The following CXCL16 variants were observed in gnomAD, a reference collection of about 807,000 sequenced individuals.
CXCL16 encodes the protein C-X-C motif chemokine 16.
Under a neutral mutation model 23.8 loss-of-function variants are expected in CXCL16, and 18 were observed. The observed-to-expected ratio is 0.76, with a 90% CI of 0.52 to 1.12. The LOEUF (loss-of-function observed/expected upper bound fraction) is 1.12, where lower values mean the gene tolerates loss of function less well. Among genes scored for constraint, CXCL16 ranks in the 50% most tolerant of loss-of-function variants. The probability of loss-of-function intolerance (pLI) is 0.00; values close to 1 mark genes in which losing one functional copy is unlikely to be tolerated. For synonymous variants in CXCL16, 123 were observed against 132.5 expected (o/e 0.93, Z 0.49); for missense variants, 297 against 315.4 (o/e 0.94, Z 0.44).
In CXCL16 at chr17:4,739,005, A is replaced by G; in HGVS notation, c.80-85T>C. The stretch of plus-strand genomic sequence containing the variant: ...TCCCTGGCATCCAATCCACAGCCCC[A>G]TGACAGCCTCTCGGTGGACCCAGGG... On this transcript the variant is annotated intron_variant, in intron 1 of 5. Transcript: ENST00000293778. This position sits in a 1 kb window ranked among gnomAD's most constrained non-coding sequence, Gnocchi z 5.3. The G allele has an allele frequency of 6.7e-7, 1 of 1,493,976 alleles. No individual in the cohort carries two copies. Among genetic ancestry groups the G allele is most frequent in the Non-Finnish European group, 9.0e-7 (1 of 1,108,982 alleles). 92.5% of individuals were successfully genotyped at this position (1,493,976 alleles called of 1,614,324 possible). A position where few individuals can be genotyped will look rare whatever the true frequency, so the allele number is the denominator to read the frequency against.
Position 4,735,507 on chromosome 17 carries a change from T to G in CXCL16, c.303A>C (p.Glu101Asp). ...QELMSCLDLKECGHAYSGIVA... is the reference protein window; with the variant it reads ...QELMSCLDLKDCGHAYSGIVA... ...CAATCCCCGAGTAAGCATGTCCACA[T>G]TCTGGAAAGGAAAGAAATGAGGAAT... is the stretch of plus-strand genomic sequence containing the variant. The change falls in exon 4 of 6, where the codon GAA becomes GAC. Residue 101 changes from glutamate (E) to aspartate (D), a missense_variant and splice_region_variant. Physicochemically the swap from Glu to Asp is conservative, Grantham distance 45. Transcript: ENST00000293778. 1 of 1,501,376 alleles carries G rather than the reference T, an allele frequency of 6.7e-7. No individual in the cohort carries two copies. The highest frequency in any genetic ancestry group is 1.4e-5 in the South Asian group (1 of 72,766). 93.0% of individuals were successfully genotyped at this position (1,501,376 alleles called of 1,614,324 possible).
intron 4 of CXCL16, 22 bp from the exon 5 acceptor site, chr17:4,734,674 A>G (rs759191861): frequency 7.5e-6 from 12 of 1,599,156 alleles, no homozygotes; most frequent in African/African-American, 4.0e-5. Flanking sequence ...AAAGAAATTG[A>G]GAGATGAGCT....
rs1417187397 is a variant in CXCL16 at position 4,739,186 on chromosome 17, C to T, written c.79+75G>A. On this transcript the variant is annotated intron_variant, in intron 1 of 5. Coordinates refer to ENST00000293778, the MANE Select transcript of CXCL16 (RefSeq NM_001386809.1). This position sits in a 1 kb window ranked among gnomAD's most constrained non-coding sequence, Gnocchi z 5.3. ...GCCTTCATCCACTCAACTCCGTGGG[C>T]CTCGTGTCCCCTCCCCAACTCACCC... The T allele has an allele frequency of 5.3e-6, 8 of 1,519,664 alleles. No homozygotes were observed. In the East Asian group the frequency reaches 1.5e-4, roughly 28 times the overall value. 94.1% of individuals were successfully genotyped at this position (1,519,664 alleles called of 1,614,324 possible). A position where few individuals can be genotyped will look rare whatever the true frequency, so the allele number is the denominator to read the frequency against.
Position 4,734,641 on chromosome 17 carries a change from G to GCC in CXCL16, c.729_730insGG (p.His244GlyfsTer34). The stretch of plus-strand genomic sequence containing the variant: ...GAGTCAGGTGCCACAGGTATATAAT[G>GCC]AACCGGCAGATCTGGAAAGGATAAA... On this transcript the variant is annotated frameshift_variant, in exon 5 of 6. Coordinates refer to ENST00000293778, the MANE Select transcript of CXCL16 (RefSeq NM_001386809.1). LOFTEE classifies it high-confidence loss of function. 1.2e-6 allele frequency: 2 copies of GCC among 1,611,592 alleles called. No homozygotes were observed. Among genetic ancestry groups the GCC allele is most frequent in the Non-Finnish European group, 1.7e-6 (2 of 1,177,864 alleles).
In CXCL16 at chr17:4,739,489, C is replaced by A; in HGVS notation, c.-150G>T. 2.5e-6 allele frequency: 3 copies of A among 1,187,328 alleles called. No homozygotes were observed. The South Asian group carries it at 3.9e-5, about 15-fold the overall frequency. 73.5% of individuals were successfully genotyped at this position (1,187,328 alleles called of 1,614,324 possible). On this transcript the variant is annotated 5_prime_UTR_variant, in exon 1 of 6. Coordinates refer to ENST00000293778, the MANE Select transcript of CXCL16 (RefSeq NM_001386809.1). The surrounding 1 kb of genome is among the most constrained non-coding windows in gnomAD (Gnocchi z 5.3). ...GGAGAGGAGGCGCGAGCCAGCTGCA[C>A]CCCCCGGCCCTGCTGTGCCCCGACC...
rs562660265 is a variant in CXCL16 at position 4,737,511 on chromosome 17, C to T, written c.301+897G>A. 1.0e-4 allele frequency among the ~76,000 whole-genome samples: 13 copies of T among 129,278 alleles called. 1 individual carries two copies. The highest frequency in any genetic ancestry group is 3.8e-4 in the Admixed American group (4 of 10,610). The allele number at this position is 129,278 out of a possible 152,430, so 84.8% of individuals were successfully genotyped here. A position where few individuals can be genotyped will look rare whatever the true frequency, so the allele number is the denominator to read the frequency against. On this transcript the variant is annotated intron_variant, in intron 3 of 5. Coordinates refer to ENST00000293778, the MANE Select transcript of CXCL16 (RefSeq NM_001386809.1). The stretch of plus-strand genomic sequence containing the variant: ...AGGAGAATTGCTTGAACCTGGGAGG[C>T]GGAGGCTGCAGTGAGCTGAGGGCAC...
Position 4,738,981 on chromosome 17 carries a change from C to G in CXCL16, c.80-61G>C. On this transcript the variant is annotated intron_variant, in intron 1 of 5. Coordinates refer to ENST00000293778, the MANE Select transcript of CXCL16 (RefSeq NM_001386809.1). This position sits in a 1 kb window ranked among gnomAD's most constrained non-coding sequence, Gnocchi z 4.0. ...GGCCCAGGGTCCCCACTCCGCTGTT[C>G]CCTGGCATCCAATCCACAGCCCCAT... 1.9e-6 allele frequency: 3 copies of G among 1,581,674 alleles called. No individual in the cohort carries two copies. Among genetic ancestry groups the G allele is most frequent in the South Asian group, 2.3e-5 (2 of 86,282 alleles).
chr17:4,736,793 G>A (rs1916167224), intron 3 of CXCL16, among the ~76,000 whole-genome samples: 1 of 152,112 alleles, frequency 6.6e-6, no homozygotes, highest in African/African-American at 2.4e-5. Flanking sequence ...CATCAAACTT[G>A]TGACTTCACA....
chr17:4,738,907 C>T lies in CXCL16; in HGVS notation c.93G>A (p.Glu31=), dbSNP rs1916249252. 1 of 1,613,996 alleles carries T rather than the reference C, an allele frequency of 6.2e-7. No individual in the cohort carries two copies. The highest frequency in any genetic ancestry group is 8.5e-7 in the Non-Finnish European group (1 of 1,179,940). The change falls in exon 2 of 6, where the codon GAG becomes GAA. Residue 31 remains glutamate, a synonymous_variant. Coordinates refer to ENST00000293778, the MANE Select transcript of CXCL16 (RefSeq NM_001386809.1). The surrounding 1 kb of genome is among the most constrained non-coding windows in gnomAD (Gnocchi z 4.0). ...VYLTQPGNGN[E]GSVTGSCYCG... ...AATAACAACTTCCAGTGACGCTGCC[C>T]TCGTTGCCATTGCCTGCGCGGGACG...
At chr17:4,734,801 A>C (rs1163855241) in intron 4 of CXCL16, 149 bp from the exon 5 acceptor site, 6 of 741,950 alleles carry the variant, frequency 8.1e-6, no homozygotes, top group African/African-American at 1.7e-5. Flanking sequence ...GAATTGAATG[A>C]CTGGCCCTCA....
In CXCL16 at chr17:4,738,785, G is replaced by C. The variant is rs1916243341; in HGVS notation, c.215C>G (p.Thr72Arg). The C allele has an allele frequency of 6.2e-7, 1 of 1,614,020 alleles. No individual in the cohort carries two copies. Among genetic ancestry groups the C allele is most frequent in the African/African-American group, 1.3e-5 (1 of 74,938 alleles). The change falls in exon 2 of 6, where the codon ACG becomes AGG. Residue 72 changes from threonine to arginine, a missense_variant. By Grantham distance (71) the Thr-to-Arg change is moderately conservative (BLOSUM62 -1). Transcript: ENST00000293778. The surrounding 1 kb of genome is among the most constrained non-coding windows in gnomAD (Gnocchi z 4.0). Reference protein sequence around the residue: ...LRAYHRCLYYTRFQLLSWSVC... With the variant: ...LRAYHRCLYYRRFQLLSWSVC... ...TCGCAGAGGCAGGTAAAATTACCTC[G>C]TGTAGTATAGACACCGATGGTAAGC...
In CXCL16 at chr17:4,735,104, G is replaced by A. The variant is rs760995812; in HGVS notation, c.706C>T (p.Gln236Ter). The change falls in exon 4 of 6, where the codon CAG (glutamine) becomes TAG (stop). Residue 236 changes from glutamine (Q) to a stop codon, truncating the protein, a stop_gained. Transcript: ENST00000293778. LOFTEE classifies it high-confidence loss of function. Reference sequence around the variant, plus strand: ...AGGTCCAGTTTACCTGGAGAGGACTGCGGTGACTGCCCCCTCCTCCTCTTG... The same window carrying A: ...AGGTCCAGTTTACCTGGAGAGGACTACGGTGACTGCCCCCTCCTCCTCTTG... The part of the protein sequence containing the change: ...LCKRRRGQSP[Q>*]SSPDLPVHYI... 1.2e-6 allele frequency: 2 copies of A among 1,609,330 alleles called. No individual in the cohort carries two copies. Among genetic ancestry groups the A allele is most frequent in the South Asian group, 2.2e-5 (2 of 91,028 alleles).
chr17:4,733,554 C>T lies in CXCL16; in HGVS notation c.*949G>A. 5.3e-6 allele frequency: 1 copy of T among 188,904 alleles called. No individual in the cohort carries two copies. The highest frequency in any genetic ancestry group is 1.2e-4 in the South Asian group (1 of 8,560). The allele number at this position is 188,904 out of a possible 1,614,324, so 11.7% of individuals were successfully genotyped here. Reference sequence around the variant, plus strand: ...TTCATTCGGAGAGACAAAACAAGAACTAGAGTTTTAATGATAATAAAAGCA... The same window carrying T: ...TTCATTCGGAGAGACAAAACAAGAATTAGAGTTTTAATGATAATAAAAGCA... On this transcript the variant is annotated 3_prime_UTR_variant, in exon 6 of 6. Transcript: ENST00000293778.
At position 4,738,723 on chromosome 17, in the gene CXCL16, G is replaced by C; in HGVS notation, c.218+59C>G. On this transcript the variant is annotated intron_variant, in intron 2 of 5. Transcript: ENST00000293778. The surrounding 1 kb of genome is among the most constrained non-coding windows in gnomAD (Gnocchi z 4.0). ...TCAGGCTGGACCAGAGAGGGTCCTGGAGGCACCTGCAAGGAGGGGCCGCCC... is the reference window on the plus strand; with the variant it reads ...TCAGGCTGGACCAGAGAGGGTCCTGCAGGCACCTGCAAGGAGGGGCCGCCC... The C allele has an allele frequency of 6.4e-7, 1 of 1,571,888 alleles. No homozygotes were observed. Among genetic ancestry groups the C allele is most frequent in the Admixed American group, 1.7e-5 (1 of 58,062 alleles).
In CXCL16 at chr17:4,738,213, AAAACTCAT is replaced by A; in HGVS notation, c.301+187_301+194del. 6.6e-6 allele frequency among the ~76,000 whole-genome samples: 1 copy of A among 152,334 alleles called. No homozygotes were observed. The highest frequency in any genetic ancestry group is 1.9e-4 in the East Asian group (1 of 5,192). The stretch of plus-strand genomic sequence containing the variant: ...AGCACACGTGGTAGAATGAATTGGC[AAAACTCAT>A]GAAGGTGATGGTGAATGATCACCCC... On this transcript the variant is annotated intron_variant, in intron 3 of 5. Transcript: ENST00000293778. This position sits in a 1 kb window ranked among gnomAD's most constrained non-coding sequence, Gnocchi z 4.0.
In CXCL16 at chr17:4,734,652, T is replaced by C. The variant is rs1402966715; in HGVS notation, c.719A>G (p.Asp240Gly). 11 of 1,611,156 alleles carry C rather than the reference T, an allele frequency of 6.8e-6. No individual in the cohort carries two copies. Among genetic ancestry groups the C allele is most frequent in the Non-Finnish European group, 9.3e-6 (11 of 1,177,448 alleles). ...RRGQSPQSSP[D>G]LPVHYIPVAP... ...CACAGGTATATAATGAACCGGCAGA[T>C]CTGGAAAGGATAAAGAAATTGAGAG... Residue 240 changes from aspartate to glycine, a missense_variant and splice_region_variant, in exon 5 of 6, where the codon GAT (aspartate) becomes GGT (glycine). Asp to Gly is a moderately conservative substitution (Grantham distance 94). Coordinates refer to ENST00000293778, the MANE Select transcript of CXCL16 (RefSeq NM_001386809.1).
At chr17:4,737,356 T>A (rs1317796719) in intron 3 of CXCL16, among the ~76,000 whole-genome samples, 1 of 145,750 alleles carries the variant, frequency 6.9e-6, no homozygotes, top group African/African-American at 2.5e-5. Flanking sequence ...GGCAGGTGGA[T>A]CACCTGAGGT....
At chr17:4,736,715 A>T (rs1222021926) in intron 3 of CXCL16, among the ~76,000 whole-genome samples, 3 of 152,258 alleles carry the variant, frequency 2.0e-5, no homozygotes, top group African/African-American at 7.2e-5. Flanking sequence ...AACTTTAGCT[A>T]GGACATGGAA....
rs763516895 is a variant in CXCL16 at position 4,735,289 on chromosome 17, G to C, written c.521C>G (p.Thr174Ser). The C allele has an allele frequency of 3.1e-6, 5 of 1,614,202 alleles. No individual in the cohort carries two copies. The highest frequency in any genetic ancestry group is 3.3e-5 in the Admixed American group (2 of 60,018). The change falls in exon 4 of 6, where the codon ACT becomes AGT. Residue 174 changes from threonine (T) to serine (S), a missense_variant. Physicochemically the swap from Thr to Ser is moderately conservative, Grantham distance 58. Transcript: ENST00000293778. ...CCCAGCTGCCAGACTGTGGCCCGCA[G>C]TGTGAATGGTGGTTTCATTGGGACG... is the stretch of plus-strand genomic sequence containing the variant. ...LTRPNETTIH[T>S]AGHSLAAGPE... is the part of the protein sequence containing the mutation.
Sources: allele counts gnomAD v4.1 joint callset (sites outside exome capture counted in the v4.1 genomes callset), GRCh38; gene constraint gnomAD v4.1.1; non-coding constraint Gnocchi (gnomAD v3.1); transcripts MANE v1.5; gene names NCBI Gene and HGNC (gene_info 2026-07-23, HGNC 2026-07-21).